HLF: variants seen among roughly 807,000 people sequenced by gnomAD.
The protein encoded by HLF is hepatic leukemia factor.
In HLF, 3 loss-of-function variants were observed where a neutral mutation model predicts 22.6. That is an observed-to-expected ratio of 0.13 (90% CI 0.06 to 0.34). HLF has a LOEUF of 0.34. Among genes scored for constraint, HLF ranks in the 10% least tolerant of loss-of-function variants. The pLI is 1.00. For synonymous variants in HLF, 151 were observed against 151.8 expected (o/e 0.99, Z 0.04); for missense variants, 299 against 389.2 (o/e 0.77, Z 1.95).
At position 55,315,435 on chromosome 17, in the gene HLF, T is replaced by C. The variant is rs75163131; in HGVS notation, c.660T>C (p.Pro220=). ...AGAAAGCTCGCAAAGTCTTCATCCC[T>C]GATGACCTGAAGGTAAATTGGAACT... is the stretch of plus-strand genomic sequence containing the variant. ...MIKKARKVFI[P]DDLKDDKYWA... The change falls in exon 3 of 4, where the codon CCT becomes CCC. Residue 220 remains proline (P), a synonymous_variant. Transcript: ENST00000226067. 2.3e-3 allele frequency: 3,727 copies of C among 1,612,782 alleles called. 80 individuals carry two copies. The African/African-American group carries it at 0.044, about 19-fold the overall frequency.
intron 3 of HLF, among the ~76,000 whole-genome samples, chr17:55,319,721 T>C (rs1202028815): frequency 6.6e-6 from 1 of 150,398 alleles, no homozygotes; most frequent in Non-Finnish European, 1.5e-5. Context: ...GGTTGAAGAT[T>C]TTTTTTTTTA....
Position 55,274,894 on chromosome 17 carries a change from G to C in HLF, c.451+6808G>C, listed in dbSNP as rs72834875. 1.4e-3 allele frequency among the ~76,000 whole-genome samples: 219 copies of C among 152,330 alleles called. 1 individual carries two copies. Among genetic ancestry groups the C allele is most frequent in the Admixed American group, 3.7e-3 (56 of 15,308 alleles). Reference sequence around the variant, plus strand: ...GAGGACCAAGCGTGGGGCTCAGAAAGAGTCTTGATACTTTTCCCTTCCTAG... The same window carrying C: ...GAGGACCAAGCGTGGGGCTCAGAAACAGTCTTGATACTTTTCCCTTCCTAG... On this transcript the variant is annotated intron_variant, in intron 2 of 3. Coordinates refer to ENST00000226067, the MANE Select transcript of HLF (RefSeq NM_002126.5).
intron 2 of HLF, among the ~76,000 whole-genome samples, chr17:55,314,423 G>A (rs947545260): frequency 2.0e-5 from 3 of 152,294 alleles, no homozygotes; most frequent in Non-Finnish European, 4.4e-5. Flanking sequence ...TGCAGCCGTG[G>A]CTCATGCAAT....
chr17:55,309,503 T>C (rs1904732933), intron 2 of HLF, among the ~76,000 whole-genome samples: 1 of 152,122 alleles, frequency 6.6e-6, no homozygotes, highest in Non-Finnish European at 1.5e-5. Flanking sequence ...TTTCAGATTA[T>C]GGCTACGTGG....
intron 1 of HLF, among the ~76,000 whole-genome samples, chr17:55,267,020 C>T (rs561324669): frequency 5.3e-5 from 8 of 152,090 alleles, no homozygotes; most frequent in African/African-American, 1.7e-4. Context: ...TTTTTAAACT[C>T]CTTTTGTAAA....
At chr17:55,271,250 G>T (rs1210684018) in intron 2 of HLF, among the ~76,000 whole-genome samples, 2 of 152,190 alleles carry the variant, frequency 1.3e-5, no homozygotes, top group Non-Finnish European at 2.9e-5. Context: ...AGAAGAAATA[G>T]AATATTAATA....
At chr17:55,291,106 C>T (rs1330771845) in intron 2 of HLF, among the ~76,000 whole-genome samples, 1 of 152,150 alleles carries the variant, frequency 6.6e-6, no homozygotes, top group Admixed American at 6.6e-5. Flanking sequence ...GAAGCCATCT[C>T]TATAACAAAA....
At position 55,320,399 on chromosome 17, in the gene HLF, A is replaced by T. The variant is rs980642966; in HGVS notation, c.673-265A>T. Among the ~76,000 whole-genome samples the T allele has an allele frequency of 4.6e-5, 7 of 152,210 alleles. No homozygotes were observed. Among genetic ancestry groups the T allele is most frequent in the Non-Finnish European group, 5.9e-5 (4 of 68,042 alleles). ...GCCACCTGCTTTCATCCAGCCTCTGATCTCTGCTTCACTGAGCACGCCTCT... is the reference window on the plus strand; with the variant it reads ...GCCACCTGCTTTCATCCAGCCTCTGTTCTCTGCTTCACTGAGCACGCCTCT... On this transcript the variant is annotated intron_variant, in intron 3 of 3. Transcript: ENST00000226067. This position sits in a 1 kb window ranked among gnomAD's most constrained non-coding sequence, Gnocchi z 4.2.
chr17:55,265,643 G>A (rs1166620401), intron 1 of HLF, 44 bp downstream of exon 1: 1 of 1,390,452 alleles, frequency 7.2e-7, no homozygotes, highest in South Asian at 1.2e-5. Context: ...ACGACGCTCC[G>A]GGGGTCCCCC....
In HLF at chr17:55,265,576, A is replaced by T. The variant is rs2080779635; in HGVS notation, c.92A>T (p.Lys31Met). Reference protein sequence around the residue: ...VLRSLLENPLKLPLHHEDAFS... With the variant: ...VLRSLLENPLMLPLHHEDAFS... ...AGGTCCCTGCTGGAGAACCCGCTGAAGCTCCCCCTTCACCACGAAGACGGT... is the reference window on the plus strand; with the variant it reads ...AGGTCCCTGCTGGAGAACCCGCTGATGCTCCCCCTTCACCACGAAGACGGT... Residue 31 changes from lysine to methionine, a missense_variant, in exon 1 of 4, where the codon AAG becomes ATG. By Grantham distance (95) the Lys-to-Met change is moderately conservative. Transcript: ENST00000226067. 6.2e-7 allele frequency: 1 copy of T among 1,602,312 alleles called. No individual in the cohort carries two copies. Among genetic ancestry groups the T allele is most frequent in the Non-Finnish European group, 8.5e-7 (1 of 1,174,632 alleles).
chr17:55,307,963 GCAGAGGAAGAATGCTTTAGGTA>G lies in HLF; in HGVS notation c.452-7263_452-7242del, dbSNP rs1220462696. Among the ~76,000 whole-genome samples, 4 of 152,290 alleles carry G rather than the reference GCAGAGGAAGAATGCTTTAGGTA, an allele frequency of 2.6e-5. No individual in the cohort carries two copies. The East Asian group carries it at 5.8e-4, about 22-fold the overall frequency. ...CGTAGGAGGACTAGGTAGGCAGAGAGCAGAGGAAGAATGCTTTAGGTAGAGAGGAAACTAAATACAAAGGCCT... is the reference window on the plus strand; with the variant it reads ...CGTAGGAGGACTAGGTAGGCAGAGAGGAGAGGAAACTAAATACAAAGGCCT... On this transcript the variant is annotated intron_variant, in intron 2 of 3. Coordinates refer to ENST00000226067, the MANE Select transcript of HLF (RefSeq NM_002126.5).
At chr17:55,277,747 A>G (rs898768098) in intron 2 of HLF, among the ~76,000 whole-genome samples, 1 of 152,138 alleles carries the variant, frequency 6.6e-6, no homozygotes, top group Non-Finnish European at 1.5e-5. Flanking sequence ...AACCCAATCT[A>G]GTTCACTTAA....
intron 2 of HLF, among the ~76,000 whole-genome samples, chr17:55,309,426 G>T (rs1904727751): frequency 6.6e-6 from 1 of 152,196 alleles, no homozygotes. Flanking sequence ...ATGGTTTGTA[G>T]CAAAGTCAGC....
intron 2 of HLF, among the ~76,000 whole-genome samples, chr17:55,286,581 T>C (rs951949856): frequency 6.6e-6 from 1 of 152,188 alleles, no homozygotes; most frequent in African/African-American, 2.4e-5. Flanking sequence ...TAGGAAAGAC[T>C]TGAATGGTTA....
chr17:55,301,597 C>T (rs762123138), intron 2 of HLF, among the ~76,000 whole-genome samples: 68 of 152,314 alleles, frequency 4.5e-4, no homozygotes, highest in Admixed American at 7.8e-4. Flanking sequence ...GTGGCGAAGA[C>T]GCAAAGCAAG....
intron 2 of HLF, among the ~76,000 whole-genome samples, chr17:55,307,244 C>T (rs1598406061): frequency 1.4e-5 from 2 of 147,932 alleles, no homozygotes. Flanking sequence ...GCCTCCACCT[C>T]ACAGGTTCAG....
At position 55,280,069 on chromosome 17, in the gene HLF, A is replaced by G. The variant is rs560626008; in HGVS notation, c.451+11983A>G. On this transcript the variant is annotated intron_variant, in intron 2 of 3. Transcript: ENST00000226067. Reference sequence around the variant, plus strand: ...CCTGGAGAAGTAAATGAGATGATACATGTACAGCACTTAGAACAGTGCTCA... The same window carrying G: ...CCTGGAGAAGTAAATGAGATGATACGTGTACAGCACTTAGAACAGTGCTCA... Among the ~76,000 whole-genome samples the G allele has an allele frequency of 3.3e-5, 5 of 152,332 alleles. No homozygotes were observed. In the East Asian group the frequency reaches 7.7e-4, roughly 23 times the overall value.
chr17:55,291,461 G>A (rs1330123144), intron 2 of HLF, among the ~76,000 whole-genome samples: 1 of 152,180 alleles, frequency 6.6e-6, no homozygotes, highest in Non-Finnish European at 1.5e-5. Context: ...CTGGATAACA[G>A]CACATCTGTT....
At chr17:55,296,650 C>A (rs1048072812) in intron 2 of HLF, among the ~76,000 whole-genome samples, 1 of 152,102 alleles carries the variant, frequency 6.6e-6, no homozygotes, top group Non-Finnish European at 1.5e-5. Context: ...CTTAACAATG[C>A]CTCTAGGGAT....
Sources: allele counts gnomAD v4.1 joint callset (sites outside exome capture counted in the v4.1 genomes callset), GRCh38; gene constraint gnomAD v4.1.1; non-coding constraint Gnocchi (gnomAD v3.1); transcripts MANE v1.5; gene names NCBI Gene and HGNC (gene_info 2026-07-23, HGNC 2026-07-21).